GALNT13: variants seen among roughly 807,000 people sequenced by gnomAD.
GALNT13 encodes UDP-GalNAc:polypeptide N-acetylgalactosaminyltransferase 13.
GALNT13 carries 28 observed loss-of-function variants against 64.2 expected under a neutral mutation model. The ratio of observed to expected loss-of-function variants is 0.44; its 90% CI spans 0.32 to 0.60. The LOEUF is 0.60. Among genes scored for constraint, GALNT13 ranks in the 20% least tolerant of loss-of-function variants. GALNT13 has a pLI of 0.05. For missense variants in GALNT13, 577 were observed against 669.8 expected, an observed-to-expected ratio of 0.86 and a Z score of 1.53; for synonymous variants, 214 against 224.6, an observed-to-expected ratio of 0.95 and a Z score of 0.42.
the GALNT13 span, among the ~76,000 whole-genome samples, chr2:153,282,903 G>A: frequency 9.2e-5 from 14 of 152,186 alleles, no homozygotes; most frequent in South Asian, 2.5e-3. Context: ...AGGATGTTGG[G>A]CAGAATCTTT....
At chr2:153,184,791 C>G in the GALNT13 span, among the ~76,000 whole-genome samples, 1 of 152,090 alleles carries the variant, frequency 6.6e-6, no homozygotes. Context: ...GTTGAGCCAA[C>G]CTTGCATCCT....
chr2:153,201,414 T>C, the GALNT13 span, among the ~76,000 whole-genome samples: 1 of 152,318 alleles, frequency 6.6e-6, no homozygotes, highest in African/African-American at 2.4e-5. Context: ...TCCTAATTCC[T>C]TCCCTCCCTG....
intron 8 of GALNT13, among the ~76,000 whole-genome samples, chr2:154,295,555 T>TA (rs1298122510): frequency 1.3e-5 from 2 of 151,822 alleles, no homozygotes; most frequent in African/African-American, 4.8e-5. Flanking sequence ...TTATTTTTAG[T>TA]AGAGACGAGG....
At chr2:153,530,851 A>G in the GALNT13 span, among the ~76,000 whole-genome samples, 1 of 152,204 alleles carries the variant, frequency 6.6e-6, no homozygotes, top group Admixed American at 6.5e-5. Flanking sequence ...GAAGAACAAA[A>G]CTGGAACCCT....
At chr2:153,281,922 A>G in the GALNT13 span, among the ~76,000 whole-genome samples, 1 of 150,030 alleles carries the variant, frequency 6.7e-6, no homozygotes, top group Non-Finnish European at 1.5e-5. Flanking sequence ...TGTTATCTGG[A>G]TATCTTATAT....
At chr2:154,402,920 A>G (rs1409861735) in intron 10 of GALNT13, among the ~76,000 whole-genome samples, 1 of 152,188 alleles carries the variant, frequency 6.6e-6, no homozygotes, top group Non-Finnish European at 1.5e-5. Context: ...TTACATCTCA[A>G]AAGATGAGAT....
chr2:153,920,450 GCC>G (rs1432652298), intron 2 of GALNT13, among the ~76,000 whole-genome samples: 4 of 151,824 alleles, frequency 2.6e-5, no homozygotes, highest in Admixed American at 2.6e-4. Context: ...TTAAAACTGG[GCC>G]CTTTCTTTAT....
the GALNT13 span, among the ~76,000 whole-genome samples, chr2:153,708,204 A>G: frequency 6.6e-6 from 1 of 152,154 alleles, no homozygotes; most frequent in Non-Finnish European, 1.5e-5. Context: ...GATTTAGACT[A>G]GAAGAAAACT....
chr2:153,298,377 A>G, the GALNT13 span, among the ~76,000 whole-genome samples: 1 of 152,180 alleles, frequency 6.6e-6, no homozygotes, highest in Non-Finnish European at 1.5e-5. Context: ...TCCTGCTCAA[A>G]CCATCTGTCA....
chr2:153,504,836 T>C, the GALNT13 span, among the ~76,000 whole-genome samples: 1 of 152,144 alleles, frequency 6.6e-6, no homozygotes, highest in East Asian at 1.9e-4. Context: ...TATTGGTCTG[T>C]AGTTTTCTTT....
chr2:153,882,791 G>A (rs887706182), intron 1 of GALNT13, among the ~76,000 whole-genome samples: 15 of 151,572 alleles, frequency 9.9e-5, no homozygotes, highest in African/African-American at 3.4e-4. Context: ...ACCACACCCA[G>A]CTAACTTTTA....
At chr2:153,295,540 A>G in the GALNT13 span, among the ~76,000 whole-genome samples, 2 of 152,072 alleles carry the variant, frequency 1.3e-5, no homozygotes, top group Non-Finnish European at 2.9e-5. Context: ...AAAAAAAAAA[A>G]AAAAAGAATC....
the GALNT13 span, among the ~76,000 whole-genome samples, chr2:153,728,104 A>G: frequency 1.3e-5 from 2 of 152,154 alleles, no homozygotes; most frequent in African/African-American, 4.8e-5. Flanking sequence ...ATAGTATTCC[A>G]TGGTGTGTAT....
At chr2:154,067,871 T>C (rs779308791) in intron 3 of GALNT13, among the ~76,000 whole-genome samples, 4 of 152,054 alleles carry the variant, frequency 2.6e-5, no homozygotes, top group Non-Finnish European at 4.4e-5. Context: ...ACAAGTGGGA[T>C]GTGTCAAGTT....
the GALNT13 span, among the ~76,000 whole-genome samples, chr2:153,864,779 T>C: frequency 1.3e-5 from 2 of 150,332 alleles, no homozygotes; most frequent in African/African-American, 4.9e-5. Context: ...AAGCTACCAA[T>C]GACTTTCTTC....
At chr2:154,446,144 C>T (rs560647793) in intron 12 of GALNT13, among the ~76,000 whole-genome samples, 11 of 151,986 alleles carry the variant, frequency 7.2e-5, no homozygotes, top group Middle Eastern at 3.4e-3. Flanking sequence ...CTGAATTTGT[C>T]CCTGATATTT....
chr2:153,291,720 T>A, the GALNT13 span, among the ~76,000 whole-genome samples: 2 of 142,778 alleles, frequency 1.4e-5, no homozygotes, highest in Non-Finnish European at 3.0e-5. Context: ...AGATATTTGC[T>A]GCCAGGCTAC....
the GALNT13 span, among the ~76,000 whole-genome samples, chr2:153,584,426 G>A: frequency 9.2e-5 from 14 of 152,164 alleles, no homozygotes; most frequent in African/African-American, 2.4e-4. Context: ...CTCCCTAGCC[G>A]GGTCTTACCT....
At chr2:154,152,906 C>T (rs979552502) in intron 4 of GALNT13, among the ~76,000 whole-genome samples, 6 of 152,116 alleles carry the variant, frequency 3.9e-5, no homozygotes, top group Non-Finnish European at 5.9e-5. Context: ...GTAGTTTGAT[C>T]GTCTGAAGCC....
Sources: allele counts gnomAD v4.1 joint callset (sites outside exome capture counted in the v4.1 genomes callset), GRCh38; gene constraint gnomAD v4.1.1; transcripts MANE v1.5; gene names NCBI Gene and HGNC (gene_info 2026-07-23, HGNC 2026-07-21).